Variants in SHPRH observed in about 807,000 individuals in gnomAD.
The protein encoded by SHPRH is E3 ubiquitin-protein ligase SHPRH.
SHPRH carries 106 observed loss-of-function variants against 202.5 expected under a neutral mutation model. That is an observed-to-expected ratio of 0.52 (90% CI 0.45 to 0.62). SHPRH has a LOEUF of 0.62. Among genes scored for constraint, SHPRH ranks in the 20% least tolerant of loss-of-function variants. The probability of loss-of-function intolerance (pLI) is 0.00; values close to 1 mark genes in which losing one functional copy is unlikely to be tolerated. For missense variants in SHPRH, 1,710 were observed against 2,020.0 expected, an observed-to-expected ratio of 0.85 and a Z score of 2.94; for synonymous variants, 729 against 686.0, an observed-to-expected ratio of 1.06 and a Z score of -0.98.
chr6:145,858,360 G>A, the SHPRH span, among the ~76,000 whole-genome samples: 1 of 151,648 alleles, frequency 6.6e-6, no homozygotes, highest in Non-Finnish European at 1.5e-5. Flanking sequence ...GGCCATAAAT[G>A]GAAAGTTACT....
chr6:145,886,687 T>C lies in SHPRH; in HGVS notation c.*4A>G, dbSNP rs188042944. 4 of 1,613,030 alleles carry C rather than the reference T, an allele frequency of 2.5e-6. No individual in the cohort carries two copies. The highest frequency in any genetic ancestry group is 3.4e-6 in the Non-Finnish European group (4 of 1,179,566). On this transcript the variant is annotated 3_prime_UTR_variant, in exon 30 of 30. Coordinates refer to ENST00000275233, the MANE Select transcript of SHPRH (RefSeq NM_001042683.3). Reference sequence around the variant, plus strand: ...TAAAGTCCATGGAATGAATCAAGTGTAGTTCATTCAAGCTCTTCAGTTTCT... The same window carrying C: ...TAAAGTCCATGGAATGAATCAAGTGCAGTTCATTCAAGCTCTTCAGTTTCT...
chr6:145,947,676 G>T, intron 5 of SHPRH, 33 bp from the exon 6 acceptor site: 1 of 1,605,934 alleles, frequency 6.2e-7, no homozygotes, highest in Admixed American at 1.7e-5. Context: ...TCACATCATA[G>T]GAATGTGAAT....
chr6:145,867,623 T>TAGAGAGAGAGAG (rs1562268495), intron 2 of SHPRH, among the ~76,000 whole-genome samples: 2 of 68,460 alleles, frequency 2.9e-5, no homozygotes, highest in Non-Finnish European at 5.3e-5. Context: ...TATATATATA[T>TAGAGAGAGAGAG]ATATATATAG....
At chr6:145,925,275 C>G (rs1784761142) in intron 16 of SHPRH, among the ~76,000 whole-genome samples, 1 of 150,634 alleles carries the variant, frequency 6.6e-6, no homozygotes, top group Admixed American at 6.7e-5. Context: ...GTGTTAGGAA[C>G]TGAATTTTGT....
chr6:145,887,939 A>T, intron 29 of SHPRH, 81 bp downstream of exon 29: 1 of 1,109,390 alleles, frequency 9.0e-7, no homozygotes, highest in Admixed American at 2.0e-5. Context: ...TTTCGTTGTC[A>T]TCTAAGTGAA....
chr6:145,955,735 C>T lies in SHPRH; in HGVS notation c.-32-381G>A, dbSNP rs117300079. ...ATACTTAAAAGAGCGAAACAAAATCCAACACAAATGTCTGGCATCAAATCT... is the reference window on the plus strand; with the variant it reads ...ATACTTAAAAGAGCGAAACAAAATCTAACACAAATGTCTGGCATCAAATCT... On this transcript the variant is annotated intron_variant, in intron 1 of 29. Transcript: ENST00000275233. Among the ~76,000 whole-genome samples the T allele has an allele frequency of 4.2e-3, 637 of 151,746 alleles. 18 individuals are homozygous for T. The East Asian group carries it at 0.071, about 17-fold the overall frequency.
chr6:145,875,405 T>C (rs991775760), intron 2 of SHPRH, among the ~76,000 whole-genome samples: 7 of 152,352 alleles, frequency 4.6e-5, no homozygotes, highest in Middle Eastern at 3.4e-3. Context: ...TTGAGAATTC[T>C]TGACTTAGGC....
intron 2 of SHPRH, among the ~76,000 whole-genome samples, chr6:145,868,498 ATTAAC>A (rs1779905445): frequency 6.6e-6 from 1 of 152,230 alleles, no homozygotes; most frequent in Non-Finnish European, 1.5e-5. Context: ...TGGGGGTAGA[ATTAAC>A]TTTTGTTGAA....
rs185484027 is a variant in SHPRH, at chr6:145,929,059, A to G, written c.3113-1782T>C. Among the ~76,000 whole-genome samples the G allele has an allele frequency of 2.0e-3, 304 of 152,052 alleles. 2 individuals are homozygous for G. The highest frequency in any genetic ancestry group is 7.1e-3 in the African/African-American group (296 of 41,558). On this transcript the variant is annotated intron_variant, in intron 14 of 29. Coordinates refer to ENST00000275233, the MANE Select transcript of SHPRH (RefSeq NM_001042683.3). ...TTCATAATTACCATACCTTTTAAAG[A>G]AGGTATAGTGATTAAACTATAATGT... is the stretch of plus-strand genomic sequence containing the variant.
At chr6:145,905,851 C>T (rs1248994841) in intron 25 of SHPRH, 2 of 152,028 alleles carry the variant, frequency 1.3e-5, no homozygotes, top group Non-Finnish European at 2.9e-5. Context: ...TCTGTTATTC[C>T]CATACTGTCC....
chr6:145,952,710 C>T (rs1218564619), intron 2 of SHPRH, among the ~76,000 whole-genome samples: 1 of 151,866 alleles, frequency 6.6e-6, no homozygotes, highest in African/African-American at 2.4e-5. Context: ...AAAAATATTC[C>T]CCTAACTGAA....
chr6:145,927,255 T>C lies in SHPRH; in HGVS notation c.3135A>G (p.Glu1045=), dbSNP rs769210039. Residue 1045 remains glutamate (E), a synonymous_variant, in exon 15 of 30, where the codon GAA becomes GAG. Transcript: ENST00000275233. ...AGGAGCGCAACACTTCTCTGTACAATTCTGCTGCCAAGGCATACTCACCTA... is the reference window on the plus strand; with the variant it reads ...AGGAGCGCAACACTTCTCTGTACAACTCTGCTGCCAAGGCATACTCACCTA... ...IIKGEYALAA[E]LYREVLRSSE... 1.9e-6 allele frequency: 3 copies of C among 1,611,958 alleles called. No homozygotes were observed. Among genetic ancestry groups the C allele is most frequent in the East Asian group, 2.2e-5 (1 of 44,706 alleles).
At chr6:145,898,353 G>T (rs994301431) in intron 25 of SHPRH, among the ~76,000 whole-genome samples, 8 of 152,056 alleles carry the variant, frequency 5.3e-5, no homozygotes, top group Admixed American at 1.3e-4. Context: ...CAAATGGAAA[G>T]ACATATGTTC....
At chr6:145,934,148 A>G (rs1041360608) in intron 13 of SHPRH, among the ~76,000 whole-genome samples, 2 of 152,052 alleles carry the variant, frequency 1.3e-5, no homozygotes, top group African/African-American at 2.4e-5. Flanking sequence ...GGATCAGCTC[A>G]GGCAACATAG....
rs184226212 is a variant in SHPRH, at chr6:145,913,554, C to T, written c.4255-5G>A. On this transcript the variant is annotated splice_polypyrimidine_tract_variant and splice_region_variant and intron_variant, in intron 23 of 29. Transcript: ENST00000275233. ...TCCCGATGTTTTATCTTGAGACTATCCAAAAAAGAATTAAAAAATATATTA... is the reference window on the plus strand; with the variant it reads ...TCCCGATGTTTTATCTTGAGACTATTCAAAAAAGAATTAAAAAATATATTA... The T allele has an allele frequency of 8.0e-4, 1,275 of 1,598,450 alleles. No individual in the cohort carries two copies. The highest frequency in any genetic ancestry group is 1.0e-3 in the Non-Finnish European group (1,191 of 1,173,824).
Position 145,886,517 on chromosome 6 carries a change from A to G in SHPRH, c.*174T>C. On this transcript the variant is annotated 3_prime_UTR_variant, in exon 30 of 30. Transcript: ENST00000275233. ...TTTATAGATCTTTTGGAAACAGTAT[A>G]TTGAAAAGGACTCAATAAGTACTAA... The G allele has an allele frequency of 8.7e-7, 1 of 1,150,166 alleles. No individual in the cohort carries two copies. Among genetic ancestry groups the G allele is most frequent in the South Asian group, 1.4e-5 (1 of 70,762 alleles). 71.2% of individuals were successfully genotyped at this position (1,150,166 alleles called of 1,614,324 possible).
chr6:145,860,550 T>C (rs1441480098), downstream of SHPRH, among the ~76,000 whole-genome samples: 2 of 152,064 alleles, frequency 1.3e-5, no homozygotes, highest in Admixed American at 6.5e-5. Flanking sequence ...GAAGAACTGA[T>C]ATTGTTAAAA....
intron 11 of SHPRH, among the ~76,000 whole-genome samples, chr6:145,936,368 T>C (rs1302331033): frequency 6.6e-6 from 1 of 152,240 alleles, no homozygotes; most frequent in East Asian, 1.9e-4. Flanking sequence ...GTCTTGCTGT[T>C]GCCCAGGCTC....
At chr6:145,919,608 T>C in intron 21 of SHPRH, 117 bp from the exon 22 acceptor site, 1 of 1,213,278 alleles carries the variant, frequency 8.2e-7, no homozygotes, top group Admixed American at 2.7e-5. Flanking sequence ...TTTCGCTATG[T>C]GTCTAACGTA....
Sources: gnomAD v4.1 joint callset for allele counts (sites outside exome capture counted in the v4.1 genomes callset) on GRCh38, gnomAD v4.1.1 for gene constraint, MANE v1.5 for transcripts, NCBI Gene and HGNC (gene_info 2026-07-23, HGNC 2026-07-21) for gene names.